The following ARPC1A variants were observed in gnomAD, a reference collection of about 807,000 sequenced individuals.
The protein encoded by ARPC1A is actin related protein 2/3 complex subunit 1A.
Under a neutral mutation model 46.9 loss-of-function variants are expected in ARPC1A, and 8 were observed. The ratio of observed to expected loss-of-function variants is 0.17; its 90% CI spans 0.10 to 0.31. The LOEUF (loss-of-function observed/expected upper bound fraction) is 0.31. Ranked by LOEUF, ARPC1A falls within the 10% of genes least tolerant of loss-of-function variation. The pLI, the probability that ARPC1A is intolerant of heterozygous loss-of-function variation, is 1.00. For missense variants in ARPC1A, 286 were observed against 483.6 expected, an observed-to-expected ratio of 0.59 and a Z score of 3.83; for synonymous variants, 152 against 169.0, an observed-to-expected ratio of 0.90 and a Z score of 0.78.
chr7:99,349,071 G>C, intron 5 of ARPC1A, 112 bp downstream of exon 5: 1 of 1,111,812 alleles, frequency 9.0e-7, no homozygotes, highest in Non-Finnish European at 1.3e-6. Flanking sequence ...TTGTTGTTTT[G>C]AGACAGGGTC....
At chr7:99,340,329 A>AT (rs535113001) in intron 3 of ARPC1A, among the ~76,000 whole-genome samples, 2 of 152,190 alleles carry the variant, frequency 1.3e-5, no homozygotes, top group South Asian at 4.1e-4. Flanking sequence ...TGCCCAGCTA[A>AT]TTTTTGTATT....
At chr7:99,349,039 G>C in intron 5 of ARPC1A, 80 bp downstream of exon 5, 1 of 1,401,548 alleles carries the variant, frequency 7.1e-7, no homozygotes, top group Non-Finnish European at 9.9e-7. Flanking sequence ...CTCTTTCTTT[G>C]TTTTTTGTTT....
chr7:99,353,282 C>T (rs972634060), intron 5 of ARPC1A, among the ~76,000 whole-genome samples: 2 of 151,400 alleles, frequency 1.3e-5, no homozygotes, highest in Non-Finnish European at 2.9e-5. Flanking sequence ...CCTCAGCCTC[C>T]GGAGTAGCTG....
At chr7:99,348,740 TAAA>T in intron 4 of ARPC1A, 109 bp from the exon 5 acceptor site, 1 of 604,820 alleles carries the variant, frequency 1.7e-6, no homozygotes, top group Admixed American at 3.3e-5. Context: ...AATTTTTTTT[TAAA>T]TTAAGGAAAA....
intron 1 of ARPC1A, among the ~76,000 whole-genome samples, chr7:99,332,394 G>A (rs1793157793): frequency 5.3e-5 from 8 of 152,146 alleles, no homozygotes; most frequent in Admixed American, 5.2e-4. Flanking sequence ...ATAACATGGT[G>A]ATTACGTGGT....
chr7:99,342,716 CTTTTTTTTTTTTT>C (rs555524613), intron 3 of ARPC1A, among the ~76,000 whole-genome samples: 2 of 101,928 alleles, frequency 2.0e-5, no homozygotes, highest in African/African-American at 9.6e-5. Flanking sequence ...CTTCATACTA[CTTTTTTTTTTTTT>C]TTTTTTTTTT....
rs548895805 is a variant in ARPC1A, at chr7:99,329,479, A to G, written c.-30+3475A>G. 6.6e-5 allele frequency among the ~76,000 whole-genome samples: 10 copies of G among 152,338 alleles called. No individual in the cohort carries two copies. The East Asian group carries it at 1.9e-3, about 29-fold the overall frequency. On this transcript the variant is annotated intron_variant, in intron 1 of 9. Coordinates refer to ENST00000262942, the MANE Select transcript of ARPC1A (RefSeq NM_006409.4). ...GACAGAAGGTACCCTTTCTTGGTAC[A>G]TAATTCAAGCTATTAGGAATTTCTT...
At chr7:99,342,437 C>T (rs1793370021) in intron 3 of ARPC1A, among the ~76,000 whole-genome samples, 1 of 151,642 alleles carries the variant, frequency 6.6e-6, no homozygotes, top group Non-Finnish European at 1.5e-5. Flanking sequence ...CTCAGCTACT[C>T]AGGAGGCTGA....
chr7:99,333,263 A>G (rs1791099378), intron 1 of ARPC1A, 62 bp from the exon 2 acceptor site: 17 of 1,049,750 alleles, frequency 1.6e-5, no homozygotes, highest in Non-Finnish European at 2.5e-5. Context: ...CAGGCAACTT[A>G]AACATTGGTT....
At chr7:99,328,811 C>CAT (rs1793095909) in intron 1 of ARPC1A, among the ~76,000 whole-genome samples, 1 of 152,004 alleles carries the variant, frequency 6.6e-6, no homozygotes, top group African/African-American at 2.4e-5. Context: ...ATTAGCAGGG[C>CAT]ATAGTGATGC....
At chr7:99,342,311 G>A (rs1209228604) in intron 3 of ARPC1A, among the ~76,000 whole-genome samples, 1 of 152,080 alleles carries the variant, frequency 6.6e-6, no homozygotes, top group Admixed American at 6.6e-5. Context: ...CCAGTGCTTT[G>A]GGAGGCTGAG....
At chr7:99,336,757 G>A (rs554238657) in intron 2 of ARPC1A, among the ~76,000 whole-genome samples, 1 of 152,112 alleles carries the variant, frequency 6.6e-6, no homozygotes, top group Non-Finnish European at 1.5e-5. Flanking sequence ...ACCTCCCAAA[G>A]TGCTGGGATT....
chr7:99,349,077 G>A, intron 5 of ARPC1A, 118 bp downstream of exon 5: 1 of 1,018,944 alleles, frequency 9.8e-7, no homozygotes, highest in South Asian at 1.5e-5. Flanking sequence ...TTTTGAGACA[G>A]GGTCTCACTC....
chr7:99,350,416 A>G (rs979741093), intron 5 of ARPC1A, among the ~76,000 whole-genome samples: 5 of 152,216 alleles, frequency 3.3e-5, no homozygotes, highest in Admixed American at 2.6e-4. Context: ...CTGTTCTTTC[A>G]GTTAAAGCTT....
At chr7:99,360,576 C>G (rs140896835) in intron 8 of ARPC1A, among the ~76,000 whole-genome samples, 1 of 152,112 alleles carries the variant, frequency 6.6e-6, no homozygotes, top group African/African-American at 2.4e-5. Flanking sequence ...ATCCAACCAC[C>G]TCAGCCTCCC....
chr7:99,357,275 G>A (rs1475357315), intron 6 of ARPC1A, among the ~76,000 whole-genome samples: 1 of 152,072 alleles, frequency 6.6e-6, no homozygotes, highest in Non-Finnish European at 1.5e-5. Context: ...CAGGTATACC[G>A]CACTAAGGGC....
rs1562803988 is a variant in ARPC1A at position 99,362,339 on chromosome 7, T to TCC, written c.984-1204_984-1203insCC. Among the ~76,000 whole-genome samples the TCC allele has an allele frequency of 3.2e-4, 43 of 135,930 alleles. 2 individuals carry two copies. In the East Asian group the frequency reaches 5.2e-3, roughly 17 times the overall value. 89.2% of individuals were successfully genotyped at this position (135,930 alleles called of 152,430 possible). A position where few individuals can be genotyped will look rare whatever the true frequency, so the allele number is the denominator to read the frequency against. The stretch of plus-strand genomic sequence containing the variant: ...AAAAATGTAAAACCCCGCCCCCCTT[T>TCC]TTTTTTTTTTTTTTGAGATGGAGTC... On this transcript the variant is annotated intron_variant, in intron 8 of 9. Transcript: ENST00000262942.
chr7:99,349,622 A>G (rs1446808701), intron 5 of ARPC1A, among the ~76,000 whole-genome samples: 1 of 152,024 alleles, frequency 6.6e-6, no homozygotes, highest in Non-Finnish European at 1.5e-5. Flanking sequence ...GCGGATCACA[A>G]GGTCAGGAGA....
At position 99,358,343 on chromosome 7, in the gene ARPC1A, C is replaced by G. The variant is rs1390834294; in HGVS notation, c.717C>G (p.Val239=). The change falls in exon 7 of 10, where the codon GTC becomes GTG. Residue 239 remains valine (V), a synonymous_variant. Transcript: ENST00000262942. ...TAACACATGTTCTTGTGTTCAGGGTCTCGACTCTGAAGACAGAGTTCCTGC... is the reference window on the plus strand; with the variant it reads ...TAACACATGTTCTTGTGTTCAGGGTGTCGACTCTGAAGACAGAGTTCCTGC... ...SVADASKSVQ[V]STLKTEFLPL... 1.9e-6 allele frequency: 3 copies of G among 1,613,896 alleles called. No homozygotes were observed. Among genetic ancestry groups the G allele is most frequent in the Non-Finnish European group, 2.5e-6 (3 of 1,179,954 alleles).
Sources: allele counts gnomAD v4.1 joint callset (sites outside exome capture counted in the v4.1 genomes callset), GRCh38; gene constraint gnomAD v4.1.1; transcripts MANE v1.5; gene names NCBI Gene and HGNC (gene_info 2026-07-23, HGNC 2026-07-21).